The following GALNT10 variants were observed in gnomAD, a reference collection of about 807,000 sequenced individuals.
The protein encoded by GALNT10 is polypeptide N-acetylgalactosaminyltransferase 10.
In GALNT10, 41 loss-of-function variants were observed where a neutral mutation model predicts 75.0. The ratio of observed to expected loss-of-function variants is 0.55; its 90% CI spans 0.43 to 0.71. The LOEUF is 0.71. GALNT10 is among the 30% of genes least tolerant of loss of function. GALNT10 has a pLI of 0.00. For missense variants in GALNT10, 727 were observed against 818.5 expected, an observed-to-expected ratio of 0.89 and a Z score of 1.36; for synonymous variants, 302 against 313.0, an observed-to-expected ratio of 0.96 and a Z score of 0.37.
At chr5:154,310,638 A>G (rs755396495) in intron 3 of GALNT10, among the ~76,000 whole-genome samples, 2 of 151,782 alleles carry the variant, frequency 1.3e-5, no homozygotes, top group African/African-American at 2.4e-5. Flanking sequence ...CACCTGGCTA[A>G]TTTTTGTATT....
At chr5:154,316,697 T>C (rs1754598445) in intron 3 of GALNT10, among the ~76,000 whole-genome samples, 1 of 152,214 alleles carries the variant, frequency 6.6e-6, no homozygotes, top group Admixed American at 6.5e-5. Context: ...GGTCTTAGCA[T>C]AGTGTCTGTC....
chr5:154,299,982 G>C (rs1369504883), intron 3 of GALNT10, among the ~76,000 whole-genome samples: 1 of 152,090 alleles, frequency 6.6e-6, no homozygotes, highest in Non-Finnish European at 1.5e-5. Flanking sequence ...CCACAAGTGT[G>C]TGCCACCACT....
chr5:154,291,022 G>C (rs141868551), intron 1 of GALNT10, among the ~76,000 whole-genome samples: 1 of 152,286 alleles, frequency 6.6e-6, no homozygotes, highest in African/African-American at 2.4e-5. Context: ...AAACAGCATA[G>C]TTCATCTCTG....
chr5:154,321,950 G>A lies in GALNT10; in HGVS notation c.402-7622G>A, dbSNP rs532458740. Reference sequence around the variant, plus strand: ...GGAATCTTCCACTTTTTAAATGTTTGCAAATAATGTTTACACCCTGGGCAA... The same window carrying A: ...GGAATCTTCCACTTTTTAAATGTTTACAAATAATGTTTACACCCTGGGCAA... On this transcript the variant is annotated intron_variant, in intron 3 of 11. Transcript: ENST00000297107. Among the ~76,000 whole-genome samples, 15 of 152,298 alleles carry A rather than the reference G, an allele frequency of 9.8e-5. No individual in the cohort carries two copies. In the South Asian group the frequency reaches 2.9e-3, roughly 29 times the overall value.
At chr5:154,350,047 C>T (rs528792183) in intron 4 of GALNT10, among the ~76,000 whole-genome samples, 1 of 152,354 alleles carries the variant, frequency 6.6e-6, no homozygotes, top group East Asian at 1.9e-4. Flanking sequence ...CAGATCATCA[C>T]AGAAAATTCT....
chr5:154,407,021 C>A (rs1025236471), intron 8 of GALNT10, among the ~76,000 whole-genome samples: 10 of 152,156 alleles, frequency 6.6e-5, no homozygotes, highest in Non-Finnish European at 1.5e-5. Flanking sequence ...AGCTTGCCTG[C>A]CTCAGGAACA....
At chr5:154,191,317 T>C (rs1774855009) in intron 1 of GALNT10, among the ~76,000 whole-genome samples, 1 of 152,116 alleles carries the variant, frequency 6.6e-6, no homozygotes, top group South Asian at 2.1e-4. Flanking sequence ...AGCGGATCTC[T>C]TTTGAAGGAT....
chr5:154,380,346 G>A (rs2113177839), intron 5 of GALNT10, 102 bp from the exon 6 acceptor site: 2 of 922,522 alleles, frequency 2.2e-6, no homozygotes, highest in Non-Finnish European at 3.4e-6. Context: ...CAAACTGAGG[G>A]TTCAGAGATG....
rs753217921 is a variant in GALNT10, at chr5:154,225,799, C to G, written c.159+34774C>G. Among the ~76,000 whole-genome samples the G allele has an allele frequency of 2.6e-5, 4 of 152,170 alleles. No individual in the cohort carries two copies. In the South Asian group the frequency reaches 8.3e-4, roughly 32 times the overall value. Reference sequence around the variant, plus strand: ...ATGTTCCTTTTCCTCTGCTTTCTTTCCTTTGGATTTTTTTCTCATTTTACT... The same window carrying G: ...ATGTTCCTTTTCCTCTGCTTTCTTTGCTTTGGATTTTTTTCTCATTTTACT... On this transcript the variant is annotated intron_variant, in intron 1 of 11. Transcript: ENST00000297107.
At chr5:154,410,077 G>A (rs1208745873) in intron 9 of GALNT10, among the ~76,000 whole-genome samples, 5 of 152,166 alleles carry the variant, frequency 3.3e-5, no homozygotes, top group Admixed American at 6.5e-5. Context: ...GAAATGACAT[G>A]ATCTGTATTT....
intron 3 of GALNT10, among the ~76,000 whole-genome samples, chr5:154,310,279 C>T (rs1029923737): frequency 6.6e-6 from 1 of 152,040 alleles, no homozygotes. Flanking sequence ...GATTAGTGCC[C>T]CAGAGATACT....
At chr5:154,309,563 T>C (rs1037223718) in intron 3 of GALNT10, among the ~76,000 whole-genome samples, 5 of 151,858 alleles carry the variant, frequency 3.3e-5, no homozygotes, top group African/African-American at 1.2e-4. Context: ...AGTAGTGGAG[T>C]AGCCATGGCT....
chr5:154,390,310 T>TA (rs994605328), intron 7 of GALNT10, among the ~76,000 whole-genome samples: 2 of 152,154 alleles, frequency 1.3e-5, no homozygotes, highest in Non-Finnish European at 2.9e-5. Context: ...CAAAGATAAA[T>TA]GACCCTAGTC....
chr5:154,328,355 A>C (rs1168984863), intron 3 of GALNT10, among the ~76,000 whole-genome samples: 1 of 152,188 alleles, frequency 6.6e-6, no homozygotes, highest in Non-Finnish European at 1.5e-5. Flanking sequence ...ACTAGAGCCC[A>C]GGGAGAGAGA....
chr5:154,240,310 A>T (rs1335110662), intron 1 of GALNT10, among the ~76,000 whole-genome samples: 1 of 152,160 alleles, frequency 6.6e-6, no homozygotes, highest in Non-Finnish European at 1.5e-5. Flanking sequence ...CGATAATAAA[A>T]CCTATGTCCC....
chr5:154,305,735 A>T (rs1754424323), intron 3 of GALNT10, among the ~76,000 whole-genome samples: 1 of 152,174 alleles, frequency 6.6e-6, no homozygotes. Flanking sequence ...CTATAAGGAG[A>T]GGCCGGGCAC....
chr5:154,294,978 G>T (rs901096544), intron 2 of GALNT10, 60 bp downstream of exon 2: 142 of 72,152 alleles, frequency 2.0e-3, no homozygotes, highest in African/African-American at 0.011. Flanking sequence ...ACATATGCTT[G>T]TGTGTGTGTG....
chr5:154,263,302 A>G (rs1293244321), intron 1 of GALNT10, among the ~76,000 whole-genome samples: 1 of 152,170 alleles, frequency 6.6e-6, no homozygotes, highest in Non-Finnish European at 1.5e-5. Flanking sequence ...CGACTGTGGA[A>G]TATTATTCAG....
chr5:154,281,840 C>G (rs1469735962), intron 1 of GALNT10, among the ~76,000 whole-genome samples: 1 of 152,194 alleles, frequency 6.6e-6, no homozygotes, highest in African/African-American at 2.4e-5. Context: ...TGGCTTCAGC[C>G]ATCCCTAGGG....
Sources: allele counts gnomAD v4.1 joint callset (sites outside exome capture counted in the v4.1 genomes callset), GRCh38; gene constraint gnomAD v4.1.1; transcripts MANE v1.5; gene names NCBI Gene and HGNC (gene_info 2026-07-23, HGNC 2026-07-21).